Variants in ADGRV1 observed in about 807,000 individuals in gnomAD.
The protein encoded by ADGRV1 is G-protein coupled receptor 98.
In ADGRV1, 359 loss-of-function variants were observed where a neutral mutation model predicts 596.2. The observed-to-expected ratio is 0.60, with a 90% CI of 0.55 to 0.66. ADGRV1 has a LOEUF of 0.66. Ranked by LOEUF, ADGRV1 falls within the 30% of genes least tolerant of loss-of-function variation. The pLI is 0.00. For synonymous variants in ADGRV1, 2,681 were observed against 2,679.2 expected (o/e 1.00, Z -0.02); for missense variants, 7,274 against 7,575.6 (o/e 0.96, Z 1.48).
At chr5:90,874,812 C>T (rs1448570267) in intron 83 of ADGRV1, among the ~76,000 whole-genome samples, 2 of 151,618 alleles carry the variant, frequency 1.3e-5, no homozygotes, top group African/African-American at 4.9e-5. Context: ...GAGTGGAGAT[C>T]GCACCACTGC....
chr5:90,817,895 A>G (rs1353118217), intron 75 of ADGRV1, among the ~76,000 whole-genome samples: 7 of 152,152 alleles, frequency 4.6e-5, no homozygotes, highest in Non-Finnish European at 8.8e-5. Context: ...TTGGCGATGC[A>G]GGCTCTTTTT....
chr5:90,693,443 AT>A (rs1309263756), intron 32 of ADGRV1, among the ~76,000 whole-genome samples: 2 of 152,008 alleles, frequency 1.3e-5, no homozygotes, highest in African/African-American at 4.8e-5. Context: ...TAAAGTTTGT[AT>A]TTTTTAAATT....
intron 10 of ADGRV1, among the ~76,000 whole-genome samples, chr5:90,637,347 A>G (rs889696618): frequency 2.0e-5 from 3 of 152,110 alleles, no homozygotes; most frequent in African/African-American, 4.8e-5. Flanking sequence ...ATATTGTGAT[A>G]GTAAGTTCAT....
At chr5:90,916,572 A>G (rs1233285965) in intron 83 of ADGRV1, among the ~76,000 whole-genome samples, 1 of 151,364 alleles carries the variant, frequency 6.6e-6, no homozygotes, top group Non-Finnish European at 1.5e-5. Context: ...TTCAATTTAC[A>G]TATTCTATTT....
chr5:90,725,513 C>T (rs1481814930), intron 47 of ADGRV1, 36 bp from the exon 48 acceptor site: 1 of 1,119,598 alleles, frequency 8.9e-7, no homozygotes, highest in Non-Finnish European at 1.4e-6. Context: ...TAGTTCAACT[C>T]TCCTTTAAGT....
intron 76 of ADGRV1, 29 bp from the exon 77 acceptor site, chr5:90,828,915 T>C (rs560464191): frequency 6.8e-7 from 1 of 1,468,134 alleles, no homozygotes; most frequent in Admixed American, 2.1e-5. Context: ...TAGTAATAGT[T>C]GTTTTTTTTT....
chr5:90,752,504 A>C (rs924910822), intron 53 of ADGRV1, among the ~76,000 whole-genome samples: 2 of 152,058 alleles, frequency 1.3e-5, no homozygotes, highest in African/African-American at 4.8e-5. Flanking sequence ...CTATGCGTCC[A>C]TGTGTTCTCA....
chr5:90,559,353 A>G (rs899680225), intron 1 of ADGRV1, among the ~76,000 whole-genome samples: 2 of 152,174 alleles, frequency 1.3e-5, no homozygotes, highest in Admixed American at 1.3e-4. Flanking sequence ...AGGGTGAGAT[A>G]AACTTAAGGA....
chr5:91,115,929 A>G (rs61568928), intron 87 of ADGRV1, among the ~76,000 whole-genome samples: 111 of 148,830 alleles, frequency 7.5e-4, no homozygotes, highest in African/African-American at 2.7e-3. Flanking sequence ...CCTGGGTGAC[A>G]GAGTGAGCTT....
In ADGRV1 at chr5:90,558,866, G is replaced by A; in HGVS notation, c.-30G>A. ...CAGAGGCAGAGCGAGGGTGTGTGGA[G>A]GGCCGGCGGGGACCGCCGGGAGCGC... On this transcript the variant is annotated 5_prime_UTR_variant, in exon 1 of 90. Coordinates refer to ENST00000405460, the MANE Select transcript of ADGRV1 (RefSeq NM_032119.4). 6.4e-7 allele frequency: 1 copy of A among 1,560,116 alleles called. No homozygotes were observed. The highest frequency in any genetic ancestry group is 2.4e-5 in the East Asian group (1 of 42,156).
intron 85 of ADGRV1, among the ~76,000 whole-genome samples, chr5:91,062,856 C>A (rs2151361146): frequency 6.6e-6 from 1 of 152,082 alleles, no homozygotes; most frequent in South Asian, 2.1e-4. Context: ...AGTTCCATAG[C>A]CCCTTGGCTC....
chr5:90,759,224 GTATTACAAATA>G (rs1172392202), intron 57 of ADGRV1, among the ~76,000 whole-genome samples, 174 bp from the exon 58 acceptor site: 1 of 152,032 alleles, frequency 6.6e-6, no homozygotes, highest in East Asian at 1.9e-4. Context: ...AACTTTAAAA[GTATTACAAATA>G]TAATACGCAA....
chr5:90,924,667 T>C (rs1392031413), intron 83 of ADGRV1, among the ~76,000 whole-genome samples: 2 of 152,122 alleles, frequency 1.3e-5, no homozygotes, highest in Non-Finnish European at 2.9e-5. Flanking sequence ...TTGTCTTTTG[T>C]TGCCATTGCT....
At position 90,781,580 on chromosome 5, in the gene ADGRV1, T is replaced by C. The variant is rs1404306326; in HGVS notation, c.13231+2T>C. 6.3e-7 allele frequency: 1 copy of C among 1,598,108 alleles called. No individual in the cohort carries two copies. On this transcript the variant is annotated splice_donor_variant, in intron 65 of 89. Coordinates refer to ENST00000405460, the MANE Select transcript of ADGRV1 (RefSeq NM_032119.4). LOFTEE classifies it high-confidence loss of function. ...ACCCAAAGTATACTGCCTTCGAAGGTAGGTTCAGTCAGCTAGCTTGTAAGT... is the reference window on the plus strand; with the variant it reads ...ACCCAAAGTATACTGCCTTCGAAGGCAGGTTCAGTCAGCTAGCTTGTAAGT...
chr5:90,688,048 T>G (rs1745919703), intron 29 of ADGRV1, among the ~76,000 whole-genome samples: 2 of 152,036 alleles, frequency 1.3e-5, no homozygotes, highest in African/African-American at 2.4e-5. Flanking sequence ...AAAACTACTT[T>G]AAAGTTCATA....
chr5:90,925,427 C>T (rs949543405), intron 83 of ADGRV1, among the ~76,000 whole-genome samples: 8 of 152,190 alleles, frequency 5.3e-5, no homozygotes, highest in African/African-American at 1.9e-4. Context: ...ATTTGGCTCT[C>T]TGTTTGTCTA....
chr5:90,565,032 T>C (rs139119716), intron 1 of ADGRV1, among the ~76,000 whole-genome samples: 2,809 of 152,110 alleles, frequency 0.018, 83 homozygotes, highest in African/African-American at 0.064. Flanking sequence ...GTCAGGAGTT[T>C]GAGACCAGCC....
At position 91,072,552 on chromosome 5, in the gene ADGRV1, G is replaced by T; in HGVS notation, c.18258G>T (p.Lys6086Asn). 6.2e-7 allele frequency: 1 copy of T among 1,613,892 alleles called. No individual in the cohort carries two copies. Among genetic ancestry groups the T allele is most frequent in the Non-Finnish European group, 8.5e-7 (1 of 1,179,800 alleles). The stretch of plus-strand genomic sequence containing the variant: ...TGTTCATCCATGCCTACCAGGTGAA[G>T]CCACAGTGGAAAGCATATGATGATG... ...FVVFIHAYQVKPQWKAYDDVF... is the reference protein window; with the variant it reads ...FVVFIHAYQVNPQWKAYDDVF... Residue 6086 changes from lysine to asparagine, a missense_variant, in exon 86 of 90, where the codon AAG (lysine) becomes AAT (asparagine). Physicochemically the swap from Lys to Asn is moderately conservative, Grantham distance 94. Transcript: ENST00000405460.
At position 90,783,822 on chromosome 5, in the gene ADGRV1, C is replaced by T. The variant is rs202058949; in HGVS notation, c.13434-16C>T. On this transcript the variant is annotated splice_polypyrimidine_tract_variant and intron_variant, in intron 66 of 89. Coordinates refer to ENST00000405460, the MANE Select transcript of ADGRV1 (RefSeq NM_032119.4). ...ATATGTTTAGACTCACAGAATTGCT[C>T]CTTCTTGCCATGCAGTGAATTTGAG... 1.8e-5 allele frequency: 28 copies of T among 1,573,876 alleles called. No homozygotes were observed. The African/African-American group carries it at 3.2e-4, about 18-fold the overall frequency.
Sources: gnomAD v4.1 joint callset for allele counts (sites outside exome capture counted in the v4.1 genomes callset) on GRCh38, gnomAD v4.1.1 for gene constraint, MANE v1.5 for transcripts, NCBI Gene and HGNC (gene_info 2026-07-23, HGNC 2026-07-21) for gene names.